Variants in HORMAD2 observed in about 807,000 individuals in gnomAD.
The protein encoded by HORMAD2 is HORMA domain containing 2.
In HORMAD2, 45 loss-of-function variants were observed where a neutral mutation model predicts 38.8. The observed-to-expected ratio is 1.16, with a 90% confidence interval of 0.91 to 1.49. HORMAD2 has a LOEUF of 1.49. Among genes scored for constraint, HORMAD2 ranks in the 40% most tolerant of loss-of-function variants. HORMAD2 has a pLI of 0.00. For synonymous variants in HORMAD2, 126 were observed against 122.8 expected (o/e 1.03, Z -0.17); for missense variants, 338 against 367.0 (o/e 0.92, Z 0.65).
chr22:30,178,841 G>A (rs554777045), downstream of HORMAD2, among the ~76,000 whole-genome samples: 1 of 152,268 alleles, frequency 6.6e-6, no homozygotes, highest in Admixed American at 6.5e-5. Context: ...GCTGTTTGGG[G>A]TTTTTCTGTC....
the HORMAD2 span, among the ~76,000 whole-genome samples, chr22:30,187,119 G>A: frequency 6.6e-6 from 1 of 152,276 alleles, no homozygotes; most frequent in East Asian, 1.9e-4. Context: ...GCATTCTAGA[G>A]AAAATTAACC....
intron 10 of HORMAD2, among the ~76,000 whole-genome samples, chr22:30,159,306 C>T (rs373372649): frequency 2.4e-4 from 36 of 152,258 alleles, no homozygotes; most frequent in African/African-American, 8.4e-4. Context: ...GTAAATAGTG[C>T]TTAATTTGAA....
At chr22:30,193,140 A>G in the HORMAD2 span, among the ~76,000 whole-genome samples, 152,261 of 152,328 alleles carry the variant, frequency 1, 76,097 homozygotes, top group South Asian at 1. Flanking sequence ...TCAACTTCTC[A>G]AAAAGCAGAT....
intron 4 of HORMAD2, among the ~76,000 whole-genome samples, chr22:30,103,983 A>G (rs1000398427): frequency 9.9e-5 from 15 of 152,214 alleles, no homozygotes; most frequent in African/African-American, 3.4e-4. Flanking sequence ...CTTTTTAAAA[A>G]TAATTTTCTA....
chr22:30,174,454 C>G (rs1978083), intron 10 of HORMAD2, among the ~76,000 whole-genome samples: 31,493 of 152,072 alleles, frequency 0.21, 3,787 homozygotes, highest in Middle Eastern at 0.38. Flanking sequence ...ACTTGTTTTT[C>G]AGCCCACAAA....
chr22:30,152,323 A>G (rs958781743), intron 10 of HORMAD2, among the ~76,000 whole-genome samples: 9 of 151,918 alleles, frequency 5.9e-5, no homozygotes, highest in African/African-American at 2.2e-4. Flanking sequence ...CCAGCCTCCC[A>G]AGTAGCTGGA....
chr22:30,110,221 AC>A (rs918211107), intron 5 of HORMAD2, among the ~76,000 whole-genome samples: 4 of 152,116 alleles, frequency 2.6e-5, no homozygotes, highest in African/African-American at 9.7e-5. Flanking sequence ...TATCACATGT[AC>A]CCCCAAAATA....
At chr22:30,166,363 G>A (rs1432699390) in intron 10 of HORMAD2, among the ~76,000 whole-genome samples, 1 of 152,126 alleles carries the variant, frequency 6.6e-6, no homozygotes, top group African/African-American at 2.4e-5. Context: ...TATCTGTGAT[G>A]TCAAATAGGT....
chr22:30,155,069 CT>C (rs201545075), intron 10 of HORMAD2, among the ~76,000 whole-genome samples: 8 of 140,890 alleles, frequency 5.7e-5, no homozygotes, highest in African/African-American at 1.9e-4. Context: ...TGAGACCTTG[CT>C]TTTTTTAAAA....
Position 30,093,660 on chromosome 22 carries a change from TC to T in HORMAD2, c.-37-255del, listed in dbSNP as rs905249894. On this transcript the variant is annotated intron_variant, in intron 1 of 10. Transcript: ENST00000336726. ...GGAAAATTAACAATAGGTACTTTTT[TC>T]AACTCAAATTCATTTTATCGTTTAG... is the stretch of plus-strand genomic sequence containing the variant. 1.4e-4 allele frequency among the ~76,000 whole-genome samples: 22 copies of T among 152,306 alleles called. 1 individual carries two copies. In the South Asian group the frequency reaches 3.7e-3, roughly 26 times the overall value.
chr22:30,202,933 T>G, the HORMAD2 span, among the ~76,000 whole-genome samples: 1 of 152,136 alleles, frequency 6.6e-6, no homozygotes, highest in Non-Finnish European at 1.5e-5. Context: ...AGCCACTCCC[T>G]GAGGTGGAGA....
chr22:30,091,266 C>CTTTTTT (rs67947501), intron 1 of HORMAD2, among the ~76,000 whole-genome samples: 5 of 114,034 alleles, frequency 4.4e-5, no homozygotes, highest in Non-Finnish European at 7.1e-5. Flanking sequence ...CTCTTTCTTT[C>CTTTTTT]TTTTTTTTTT....
At chr22:30,148,896 T>C (rs1458992569) in intron 10 of HORMAD2, among the ~76,000 whole-genome samples, 2 of 152,050 alleles carry the variant, frequency 1.3e-5, no homozygotes, top group Non-Finnish European at 2.9e-5. Flanking sequence ...TCCCAACTAC[T>C]TGGGAGGCTG....
At chr22:30,099,308 T>G (rs1487927102) in intron 3 of HORMAD2, among the ~76,000 whole-genome samples, 2 of 152,214 alleles carry the variant, frequency 1.3e-5, no homozygotes, top group Non-Finnish European at 2.9e-5. Context: ...GTGCCTCAAT[T>G]GAATTTATTC....
At chr22:30,085,270 TG>T (rs906746151) in intron 1 of HORMAD2, among the ~76,000 whole-genome samples, 7 of 152,112 alleles carry the variant, frequency 4.6e-5, no homozygotes, top group African/African-American at 1.7e-4. Context: ...TTCCAGCGGC[TG>T]GGGAAAGGAG....
chr22:30,091,597 A>G (rs2068688362), intron 1 of HORMAD2, among the ~76,000 whole-genome samples: 1 of 152,032 alleles, frequency 6.6e-6, no homozygotes, highest in Non-Finnish European at 1.5e-5. Context: ...CTGTTGATGG[A>G]CACTTAGGTT....
At chr22:30,150,625 C>G (rs1569111868) in intron 10 of HORMAD2, among the ~76,000 whole-genome samples, 1 of 152,066 alleles carries the variant, frequency 6.6e-6, no homozygotes, top group African/African-American at 2.4e-5. Context: ...CTGATTGTGG[C>G]CTTCATTATT....
intron 1 of HORMAD2, among the ~76,000 whole-genome samples, chr22:30,091,913 G>A (rs1254999462): frequency 6.6e-6 from 1 of 151,808 alleles, no homozygotes; most frequent in African/African-American, 2.4e-5. Flanking sequence ...GTCTTGCTCT[G>A]TTGCCCAGGC....
chr22:30,091,599 AC>A (rs1569081616), intron 1 of HORMAD2, among the ~76,000 whole-genome samples: 1 of 152,032 alleles, frequency 6.6e-6, no homozygotes, highest in Non-Finnish European at 1.5e-5. Context: ...GTTGATGGAC[AC>A]TTAGGTTGAT....
Sources: allele counts gnomAD v4.1 joint callset (sites outside exome capture counted in the v4.1 genomes callset), GRCh38; gene constraint gnomAD v4.1.1; transcripts MANE v1.5; gene names NCBI Gene and HGNC (gene_info 2026-07-23, HGNC 2026-07-21).